The following PACRGL variants were observed in gnomAD, a reference collection of about 807,000 sequenced individuals.
The protein encoded by PACRGL is PACRG-like protein.
PACRGL carries 38 observed loss-of-function variants against 34.5 expected under a neutral mutation model. That is an observed-to-expected ratio of 1.10 (90% CI 0.85 to 1.44). The LOEUF (loss-of-function observed/expected upper bound fraction) is 1.44, where lower values mean the gene tolerates loss of function less well. Ranked by LOEUF, PACRGL falls within the 40% of genes most tolerant of loss-of-function variation. The probability of loss-of-function intolerance (pLI) is 0.00; values close to 1 mark genes in which losing one functional copy is unlikely to be tolerated. For missense variants in PACRGL, 305 were observed against 281.4 expected, an observed-to-expected ratio of 1.08 and a Z score of -0.60; for synonymous variants, 128 against 100.1, an observed-to-expected ratio of 1.28 and a Z score of -1.66.
chr4:20,706,813 A>G (rs1470821167), intron 3 of PACRGL, among the ~76,000 whole-genome samples: 1 of 152,062 alleles, frequency 6.6e-6, no homozygotes, highest in Admixed American at 6.6e-5. Flanking sequence ...TGACCTTGTG[A>G]TCCACCCGCC....
intron 8 of PACRGL, among the ~76,000 whole-genome samples, chr4:20,740,239 AC>A (rs1750740700): frequency 6.6e-6 from 1 of 152,174 alleles, no homozygotes; most frequent in Non-Finnish European, 1.5e-5. Context: ...AGAGAATGCC[AC>A]CAAGATACTC....
chr4:20,701,665 C>T (rs1578086279), intron 1 of PACRGL: 1 of 328,420 alleles, frequency 3.0e-6, no homozygotes, highest in East Asian at 7.6e-5. Flanking sequence ...GGCATGCTTC[C>T]AGGTGGATAT....
chr4:20,746,460 G>A (rs915965931), intron 8 of PACRGL, among the ~76,000 whole-genome samples: 5 of 151,720 alleles, frequency 3.3e-5, no homozygotes, highest in Admixed American at 6.6e-5. Context: ...ACCATGGCAC[G>A]TGTATACCTA....
the PACRGL span, among the ~76,000 whole-genome samples, chr4:20,762,252 C>T: frequency 6.6e-6 from 1 of 152,102 alleles, no homozygotes; most frequent in African/African-American, 2.4e-5. Context: ...TAAAAGGACA[C>T]TTATCTAATT....
rs1025941300 is a variant in PACRGL at position 20,731,503 on chromosome 4, T to C, written c.*4162T>C. The stretch of plus-strand genomic sequence containing the variant: ...AGAGAAAATTTTCCACTGTTTATTT[T>C]TTGTGACTGAAGACCATTAGTGAGT... On this transcript the variant is annotated 3_prime_UTR_variant, in exon 9 of 9. Coordinates refer to ENST00000503585, the MANE Select transcript of PACRGL (RefSeq NM_001258345.3). The C allele has an allele frequency of 3.0e-6, 3 of 985,282 alleles. No homozygotes were observed. The African/African-American group carries it at 5.2e-5, about 17-fold the overall frequency. The allele number at this position is 985,282 out of a possible 1,614,324, so 61.0% of individuals were successfully genotyped here. A position where few individuals can be genotyped will look rare whatever the true frequency, so the allele number is the denominator to read the frequency against.
chr4:20,730,151 C>G lies in PACRGL; in HGVS notation c.*2810C>G. ...CATCCTGTAAGGGAGAAACACAGAG[C>G]GATTAAATTCAGCATATCTGCAAGG... On this transcript the variant is annotated 3_prime_UTR_variant, in exon 9 of 9. Transcript: ENST00000503585. The G allele has an allele frequency of 6.3e-7, 1 of 1,590,914 alleles. No individual in the cohort carries two copies. The highest frequency in any genetic ancestry group is 8.5e-7 in the Non-Finnish European group (1 of 1,170,038).
intron 8 of PACRGL, among the ~76,000 whole-genome samples, chr4:20,738,044 C>T (rs975468098): frequency 6.6e-6 from 1 of 151,750 alleles, no homozygotes; most frequent in African/African-American, 2.4e-5. Flanking sequence ...AGATGGGAAT[C>T]ACTTGAGCCC....
chr4:20,744,259 G>A lies in PACRGL; in HGVS notation c.*57-8306G>A, dbSNP rs149104950. 9.8e-3 allele frequency among the ~76,000 whole-genome samples: 1,497 copies of A among 152,286 alleles called. 25 individuals carry two copies. Among genetic ancestry groups the A allele is most frequent in the African/African-American group, 0.035 (1,438 of 41,550 alleles). The stretch of plus-strand genomic sequence containing the variant: ...TTTGACCCAGCAATCCCATTACTGG[G>A]TATACACCCAAAGGATTATAAATCA... On this transcript the variant is annotated intron_variant, in intron 8 of 8. Transcript: ENST00000507634.
chr4:20,700,391 GA>G (rs1373672847), upstream of PACRGL: 1 of 152,190 alleles, frequency 6.6e-6, no homozygotes, highest in Non-Finnish European at 1.5e-5. Context: ...TGGTTTAGAC[GA>G]CGCAGCGTGC....
At chr4:20,743,426 A>T (rs1751650948) in intron 8 of PACRGL, among the ~76,000 whole-genome samples, 1 of 152,320 alleles carries the variant, frequency 6.6e-6, no homozygotes, top group East Asian at 1.9e-4. Flanking sequence ...ACAGAGATAT[A>T]GACCAATGGA....
chr4:20,706,724 C>A (rs906786328), intron 3 of PACRGL, among the ~76,000 whole-genome samples: 2 of 151,900 alleles, frequency 1.3e-5, no homozygotes, highest in African/African-American at 4.8e-5. Context: ...TACAGGCACC[C>A]GCCACCATCC....
At position 20,712,108 on chromosome 4, in the gene PACRGL, C is replaced by A. The variant is rs79282132; in HGVS notation, c.367-680C>A. Among the ~76,000 whole-genome samples the A allele has an allele frequency of 6.3e-3, 962 of 151,978 alleles. 8 individuals are homozygous for A. Among genetic ancestry groups the A allele is most frequent in the African/African-American group, 0.022 (917 of 41,488 alleles). On this transcript the variant is annotated intron_variant, in intron 5 of 8. Transcript: ENST00000503585. ...ATCTTTTTATTATCCTAGCGAGTTT[C>A]CCTTCTTTTTGTCTATAGTTTCATT...
chr4:20,729,599 T>TTAAAGTATATA lies in PACRGL; in HGVS notation c.*2259_*2269dup, dbSNP rs1747360211. ...TTTTAATTGTTGTAATCTTGTTTCC[T>TTAAAGTATATA]TAAAGTATATAAATGGAATTTAAAT... On this transcript the variant is annotated 3_prime_UTR_variant, in exon 9 of 9. Transcript: ENST00000503585. 1 of 129,828 alleles carries TTAAAGTATATA rather than the reference T, an allele frequency of 7.7e-6. No individual in the cohort carries two copies. Among genetic ancestry groups the TTAAAGTATATA allele is most frequent in the Non-Finnish European group, 1.6e-5 (1 of 60,742 alleles). 8.0% of individuals were successfully genotyped at this position (129,828 alleles called of 1,614,324 possible). A position where few individuals can be genotyped will look rare whatever the true frequency, so the allele number is the denominator to read the frequency against.
At chr4:20,744,215 G>T (rs1167040448) in intron 8 of PACRGL, among the ~76,000 whole-genome samples, 3 of 152,134 alleles carry the variant, frequency 2.0e-5, no homozygotes, top group Non-Finnish European at 2.9e-5. Flanking sequence ...TCCTCAAGGA[G>T]CTAGAACTAG....
At chr4:20,721,767 G>A (rs1743338947) in intron 7 of PACRGL, among the ~76,000 whole-genome samples, 1 of 152,208 alleles carries the variant, frequency 6.6e-6, no homozygotes, top group Non-Finnish European at 1.5e-5. Context: ...GGCTACTCAC[G>A]GGTCAGGGAC....
Position 20,727,431 on chromosome 4 carries a change from C to T in PACRGL, c.*90C>T. The T allele has an allele frequency of 1.9e-6, 2 of 1,061,832 alleles. No individual in the cohort carries two copies. Among genetic ancestry groups the T allele is most frequent in the Non-Finnish European group, 2.9e-6 (2 of 700,264 alleles). 65.8% of individuals were successfully genotyped at this position (1,061,832 alleles called of 1,614,324 possible). ...TCATTTATTTTATTCTTTTGTAAAT[C>T]ACAGCCACCATTCATTATTTACTAG... On this transcript the variant is annotated 3_prime_UTR_variant, in exon 9 of 9. Coordinates refer to ENST00000503585, the MANE Select transcript of PACRGL (RefSeq NM_001258345.3).
intron 7 of PACRGL, among the ~76,000 whole-genome samples, chr4:20,721,420 G>C (rs1743123222): frequency 6.6e-6 from 1 of 152,066 alleles, no homozygotes; most frequent in South Asian, 2.1e-4. Context: ...AGAATTTTCA[G>C]GTTTTCTGCT....
chr4:20,733,493 A>AAT (rs1171650182), downstream of PACRGL, among the ~76,000 whole-genome samples: 1 of 152,202 alleles, frequency 6.6e-6, no homozygotes, highest in Non-Finnish European at 1.5e-5. Context: ...ATACAGAGCG[A>AAT]ATATATATTT....
chr4:20,731,734 A>G lies in PACRGL; in HGVS notation c.*4393A>G. 1.0e-6 allele frequency: 1 copy of G among 985,294 alleles called. No individual in the cohort carries two copies. The highest frequency in any genetic ancestry group is 1.2e-6 in the Non-Finnish European group (1 of 829,884). 61.0% of individuals were successfully genotyped at this position (985,294 alleles called of 1,614,324 possible). On this transcript the variant is annotated 3_prime_UTR_variant, in exon 9 of 9. Transcript: ENST00000503585. ...CATGTATGTTTTATCCTCCATGAAT[A>G]CTCTCTAAGGAATTTGGGAATCAAC...
Sources: allele counts gnomAD v4.1 joint callset (sites outside exome capture counted in the v4.1 genomes callset), GRCh38; gene constraint gnomAD v4.1.1; transcripts MANE v1.5; gene names NCBI Gene and HGNC (gene_info 2026-07-23, HGNC 2026-07-21).